TTC1: variants seen among roughly 807,000 people sequenced by gnomAD.
The protein encoded by TTC1 is tetratricopeptide repeat domain 1.
In TTC1, 31 loss-of-function variants were observed where a neutral mutation model predicts 37.6. The ratio of observed to expected loss-of-function variants is 0.82; its 90% confidence interval spans 0.62 to 1.11. The LOEUF (loss-of-function observed/expected upper bound fraction) is 1.11, where lower values mean the gene tolerates loss of function less well. Ranked by LOEUF, TTC1 falls within the 50% of genes most tolerant of loss-of-function variation. The pLI is 0.00. For missense variants in TTC1, 351 were observed against 339.0 expected, an observed-to-expected ratio of 1.04 and a Z score of -0.28; for synonymous variants, 127 against 122.4, an observed-to-expected ratio of 1.04 and a Z score of -0.25.
intron 5 of TTC1, among the ~76,000 whole-genome samples, chr5:160,043,589 C>G (rs1426903836): frequency 1.3e-5 from 2 of 152,010 alleles, no homozygotes; most frequent in African/African-American, 4.8e-5. Context: ...GACCCTGTCT[C>G]CAAAAGAAAA....
At chr5:160,019,162 C>T (rs1756658452) in intron 2 of TTC1, among the ~76,000 whole-genome samples, 1 of 152,196 alleles carries the variant, frequency 6.6e-6, no homozygotes, top group South Asian at 2.1e-4. Context: ...TACATGTACA[C>T]ATAAGGGATC....
chr5:160,032,859 G>A (rs1009398021), intron 2 of TTC1, among the ~76,000 whole-genome samples: 5 of 150,882 alleles, frequency 3.3e-5, no homozygotes, highest in Non-Finnish European at 5.9e-5. Flanking sequence ...GACTACAGGC[G>A]CCTGCCACCA....
chr5:160,062,089 G>A (rs1230125486), intron 7 of TTC1: 1 of 152,232 alleles, frequency 6.6e-6, no homozygotes, highest in African/African-American at 2.4e-5. Context: ...CAGCCACTCT[G>A]TCCCCTGCAT....
At position 160,035,137 on chromosome 5, in the gene TTC1, C is replaced by T. The variant is rs1229928275; in HGVS notation, c.331-3C>T. ...AATTATGTAATTCTCTGATGTCTTT[C>T]AGAAAAGAAGAGAAGAGAGCACTAG... is the stretch of plus-strand genomic sequence containing the variant. On this transcript the variant is annotated splice_region_variant and splice_polypyrimidine_tract_variant and intron_variant, in intron 2 of 7. Coordinates refer to ENST00000231238, the MANE Select transcript of TTC1 (RefSeq NM_003314.3). The T allele has an allele frequency of 1.9e-6, 3 of 1,589,202 alleles. No individual in the cohort carries two copies. The Admixed American group carries it at 5.6e-5, about 29-fold the overall frequency.
At chr5:160,041,740 T>G (rs1207538665) in intron 4 of TTC1, among the ~76,000 whole-genome samples, 1 of 152,228 alleles carries the variant, frequency 6.6e-6, no homozygotes, top group African/African-American at 2.4e-5. Context: ...TAGGAATTTT[T>G]CAGCTCCGTT....
chr5:160,024,585 C>T (rs567108422), intron 2 of TTC1, among the ~76,000 whole-genome samples: 5 of 152,258 alleles, frequency 3.3e-5, no homozygotes, highest in Admixed American at 3.3e-4. Context: ...CAGCCTCAAA[C>T]TTACGGGCTC....
chr5:160,016,660 T>C (rs1426052041), intron 2 of TTC1, among the ~76,000 whole-genome samples: 6 of 152,208 alleles, frequency 3.9e-5, no homozygotes, highest in Non-Finnish European at 8.8e-5. Flanking sequence ...AAGCCTGTAT[T>C]ACATTATTCC....
chr5:160,059,686 A>G (rs1757647815), intron 7 of TTC1, among the ~76,000 whole-genome samples: 1 of 152,244 alleles, frequency 6.6e-6, no homozygotes, highest in South Asian at 2.1e-4. Flanking sequence ...AGGAGCAGTC[A>G]GAACATGCAC....
intron 2 of TTC1, among the ~76,000 whole-genome samples, chr5:160,012,240 G>A (rs1248433945): frequency 2.0e-5 from 3 of 152,100 alleles, no homozygotes; most frequent in Non-Finnish European, 4.4e-5. Context: ...AGTGCCCTCT[G>A]GATTTGACAG....
chr5:160,063,279 G>T (rs1753487157), intron 7 of TTC1, among the ~76,000 whole-genome samples: 1 of 152,128 alleles, frequency 6.6e-6, no homozygotes, highest in Non-Finnish European at 1.5e-5. Context: ...GCAATGGTAT[G>T]ATCATGGCTC....
At chr5:160,022,546 T>A (rs573227311) in intron 2 of TTC1, among the ~76,000 whole-genome samples, 1 of 152,356 alleles carries the variant, frequency 6.6e-6, no homozygotes, top group South Asian at 2.1e-4. Context: ...TTTTAGCTCA[T>A]TGAATGAGTT....
intron 2 of TTC1, 60 bp from the exon 3 acceptor site, chr5:160,035,080 C>T (rs971664080): frequency 1.4e-6 from 2 of 1,444,968 alleles, no homozygotes; most frequent in Non-Finnish European, 1.9e-6. Context: ...GGAAAGCTCA[C>T]CTTTTTGTTC....
Position 160,057,241 on chromosome 5 carries a change from C to T in TTC1, c.745+6058C>T, listed in dbSNP as rs376343670. On this transcript the variant is annotated intron_variant, in intron 7 of 7. Transcript: ENST00000231238. The surrounding 1 kb of genome is among the most constrained non-coding windows in gnomAD (Gnocchi z 4.4). ...TCTTGGTAAGGCTTCTTTCAGCCCT[C>T]GAATTTACCCAAGGTCAAATACAGG... 2.0e-5 allele frequency among the ~76,000 whole-genome samples: 3 copies of T among 152,216 alleles called. No homozygotes were observed. The highest frequency in any genetic ancestry group is 3.9e-4 in the East Asian group (2 of 5,172).
At chr5:160,020,417 A>T (rs1229411751) in intron 2 of TTC1, among the ~76,000 whole-genome samples, 1 of 152,194 alleles carries the variant, frequency 6.6e-6, no homozygotes, top group African/African-American at 2.4e-5. Context: ...GCCTGGCCTG[A>T]TGCTAAGTTT....
At chr5:160,009,934 C>T (rs546854688) in intron 1 of TTC1, among the ~76,000 whole-genome samples, 1 of 152,268 alleles carries the variant, frequency 6.6e-6, no homozygotes, top group South Asian at 2.1e-4. Context: ...AAAGACGGAC[C>T]GTAGTTTCTT....
At chr5:160,045,554 C>CTCTCTCTCTCTCT (rs1310066249) in intron 5 of TTC1, among the ~76,000 whole-genome samples, 24 of 116,038 alleles carry the variant, frequency 2.1e-4, no homozygotes, top group African/African-American at 7.1e-4. Flanking sequence ...TCTCTCTCTC[C>CTCTCTCTCTCTCT]CCCTCCCCTC....
At chr5:160,060,800 A>G (rs749168238) in intron 7 of TTC1, among the ~76,000 whole-genome samples, 4 of 152,216 alleles carry the variant, frequency 2.6e-5, no homozygotes, top group African/African-American at 4.8e-5. Flanking sequence ...TTTTTCAGTC[A>G]CCAAAAACTT....
intron 2 of TTC1, among the ~76,000 whole-genome samples, chr5:160,032,435 T>C (rs994177223): frequency 3.9e-5 from 6 of 152,202 alleles, no homozygotes; most frequent in Non-Finnish European, 5.9e-5. Flanking sequence ...CACCCCTTCC[T>C]ATTTGGAGGA....
At chr5:160,026,865 T>C (rs1278906191) in intron 2 of TTC1, among the ~76,000 whole-genome samples, 2 of 152,216 alleles carry the variant, frequency 1.3e-5, no homozygotes, top group Non-Finnish European at 2.9e-5. Flanking sequence ...TTCCTGTTTT[T>C]TACTGCCTCT....
Sources: allele counts gnomAD v4.1 joint callset (sites outside exome capture counted in the v4.1 genomes callset), GRCh38; gene constraint gnomAD v4.1.1; non-coding constraint Gnocchi (gnomAD v3.1); transcripts MANE v1.5; gene names NCBI Gene and HGNC (gene_info 2026-07-23, HGNC 2026-07-21).